ERC1: variants seen among roughly 807,000 people sequenced by gnomAD.
ERC1 encodes RAB6 interacting protein 2.
A neutral mutation model predicts 132.0 loss-of-function variants in ERC1; 56 were observed. The observed-to-expected ratio is 0.42, with a 90% confidence interval of 0.34 to 0.53. The LOEUF (loss-of-function observed/expected upper bound fraction) is 0.53. ERC1 is among the 20% of genes least tolerant of loss of function. The pLI is 0.03. For missense variants in ERC1, 1,202 were observed against 1,349.9 expected (o/e 0.89, Z 1.72); for synonymous variants, 478 against 476.1 (o/e 1.00, Z -0.05).
intron 15 of ERC1, among the ~76,000 whole-genome samples, chr12:1,312,264 A>G (rs1468591792): frequency 6.6e-6 from 1 of 152,302 alleles, no homozygotes; most frequent in East Asian, 1.9e-4. Context: ...TTAAGCAGTA[A>G]AGGTATCAAA....
rs1328659040 is a variant in ERC1 at position 1,493,545 on chromosome 12, AAAAATATATATATATATAT to A, written c.*3317_*3335del. On this transcript the variant is annotated 3_prime_UTR_variant, in exon 19 of 19. Transcript: ENST00000360905. ...GAGACTCCATTTAAAAAAAAAAAAA[AAAAATATATATATATATAT>A]ATATATATATATATGGATGGGAATC... 3 of 73,616 alleles carry A rather than the reference AAAAATATATATATATATAT, an allele frequency of 4.1e-5. No homozygotes were observed. The highest frequency in any genetic ancestry group is 4.7e-4 in the East Asian group (1 of 2,132). The allele number at this position is 73,616 out of a possible 1,614,324, so 4.6% of individuals were successfully genotyped here. A position where few individuals can be genotyped will look rare whatever the true frequency, so the allele number is the denominator to read the frequency against.
At chr12:1,143,227 A>G (rs1000449108) in intron 8 of ERC1, among the ~76,000 whole-genome samples, 1 of 152,048 alleles carries the variant, frequency 6.6e-6, no homozygotes, top group Non-Finnish European at 1.5e-5. Context: ...AATAAAAATA[A>G]AAAAGATGTT....
intron 1 of ERC1, among the ~76,000 whole-genome samples, chr12:1,003,968 A>C (rs566765013): frequency 8.5e-5 from 13 of 152,306 alleles, no homozygotes; most frequent in Admixed American, 8.5e-4. Context: ...GTTCTAAGTT[A>C]GGCAGGGCTG....
intron 14 of ERC1, among the ~76,000 whole-genome samples, chr12:1,285,895 C>T (rs2079011965): frequency 6.6e-6 from 1 of 152,148 alleles, no homozygotes; most frequent in Admixed American, 6.5e-5. Context: ...AATTCCTAAA[C>T]ATAATCAGAC....
At chr12:1,153,866 G>A (rs1271703754) in intron 8 of ERC1, among the ~76,000 whole-genome samples, 4 of 152,148 alleles carry the variant, frequency 2.6e-5, no homozygotes, top group Non-Finnish European at 5.9e-5. Flanking sequence ...GCACTTTTGG[G>A]ATACTCCATT....
At chr12:1,353,537 A>G (rs772083003) in intron 15 of ERC1, among the ~76,000 whole-genome samples, 1 of 152,240 alleles carries the variant, frequency 6.6e-6, no homozygotes, top group East Asian at 1.9e-4. Context: ...GATCAGTTCT[A>G]TAAGTAATTT....
chr12:1,173,320 A>G (rs192127495), intron 8 of ERC1, among the ~76,000 whole-genome samples: 28 of 152,284 alleles, frequency 1.8e-4, no homozygotes, highest in Admixed American at 1.5e-3. Flanking sequence ...AGTACCTGGC[A>G]TGTTTTTAAG....
chr12:1,183,649 G>A (rs1594043258), intron 11 of ERC1, among the ~76,000 whole-genome samples: 1 of 152,216 alleles, frequency 6.6e-6, no homozygotes, highest in Non-Finnish European at 1.5e-5. Flanking sequence ...ATTAAAATAT[G>A]CAACTCTCTT....
At chr12:1,179,069 T>G (rs1295202683) in intron 8 of ERC1, among the ~76,000 whole-genome samples, 1 of 152,210 alleles carries the variant, frequency 6.6e-6, no homozygotes, top group African/African-American at 2.4e-5. Context: ...TTAATTATAC[T>G]TGAATAATAA....
intron 15 of ERC1, among the ~76,000 whole-genome samples, chr12:1,312,616 C>G (rs2081388733): frequency 6.6e-6 from 1 of 152,214 alleles, no homozygotes; most frequent in Non-Finnish European, 1.5e-5. Context: ...AGTTTGCCCT[C>G]CCAAAGTGCT....
In ERC1 at chr12:1,490,750, T is replaced by C. The variant is rs1268253310; in HGVS notation, c.*520T>C. 4.3e-6 allele frequency: 1 copy of C among 234,036 alleles called. No individual in the cohort carries two copies. The highest frequency in any genetic ancestry group is 8.4e-6 in the Non-Finnish European group (1 of 118,738). 14.5% of individuals were successfully genotyped at this position (234,036 alleles called of 1,614,324 possible). On this transcript the variant is annotated 3_prime_UTR_variant, in exon 19 of 19. Transcript: ENST00000360905. ...GAGAAGGGGGGAAGGGAAGAGAAAA[T>C]CGACTCTTCTTTTTACTGTCTCTTC...
intron 15 of ERC1, among the ~76,000 whole-genome samples, chr12:1,370,723 TTTTA>T (rs2087126581): frequency 2.6e-5 from 4 of 152,164 alleles, no homozygotes; most frequent in Admixed American, 2.0e-4. Context: ...GGTTAACAAT[TTTTA>T]TTTATTCTTT....
At chr12:1,400,800 TTATGCTGATAACACACTGTAGG>T (rs1002900991) in intron 16 of ERC1, among the ~76,000 whole-genome samples, 1 of 152,122 alleles carries the variant, frequency 6.6e-6, no homozygotes, top group Non-Finnish European at 1.5e-5. Flanking sequence ...TTGTCCATCT[TTATGCTGATAACACACTGTAGG>T]TAAACCTACT....
At chr12:1,084,460 A>G (rs1942677891) in intron 3 of ERC1, among the ~76,000 whole-genome samples, 1 of 152,194 alleles carries the variant, frequency 6.6e-6, no homozygotes, top group Admixed American at 6.5e-5. Context: ...AGGTTGTTCT[A>G]TAATTTTTCC....
chr12:1,199,660 C>G (rs181613752), intron 12 of ERC1, among the ~76,000 whole-genome samples: 46 of 152,034 alleles, frequency 3.0e-4, no homozygotes, highest in African/African-American at 1.1e-3. Flanking sequence ...CACCTGTAAT[C>G]CCAGCTATTT....
chr12:1,343,964 C>G (rs1245412405), intron 15 of ERC1, among the ~76,000 whole-genome samples: 1 of 152,100 alleles, frequency 6.6e-6, no homozygotes, highest in East Asian at 1.9e-4. Flanking sequence ...GCCTCAGTGT[C>G]CCGTGTAGCT....
At chr12:1,444,974 T>C (rs1415431999) in intron 18 of ERC1, 1 of 413,280 alleles carries the variant, frequency 2.4e-6, no homozygotes, top group Admixed American at 3.9e-5. Context: ...TTTCCAGATA[T>C]AATTTTTAAA....
intron 12 of ERC1, among the ~76,000 whole-genome samples, chr12:1,234,218 C>T (rs2075264184): frequency 6.6e-6 from 1 of 152,152 alleles, no homozygotes; most frequent in Non-Finnish European, 1.5e-5. Flanking sequence ...TCAGTAAAAC[C>T]ACACTTTGAA....
chr12:1,409,126 T>C (rs1400972970), intron 17 of ERC1, among the ~76,000 whole-genome samples: 1 of 152,220 alleles, frequency 6.6e-6, no homozygotes, highest in Non-Finnish European at 1.5e-5. Context: ...AAAGCAGCAA[T>C]GGTATTCAAA....
Sources: allele counts gnomAD v4.1 joint callset (sites outside exome capture counted in the v4.1 genomes callset), GRCh38; gene constraint gnomAD v4.1.1; transcripts MANE v1.5; gene names NCBI Gene and HGNC (gene_info 2026-07-23, HGNC 2026-07-21).